The following VPS50 variants were observed in gnomAD, a reference collection of about 807,000 sequenced individuals.
VPS50 encodes syndetin.
Under a neutral mutation model 139.7 loss-of-function variants are expected in VPS50, and 70 were observed. The ratio of observed to expected loss-of-function variants is 0.50; its 90% confidence interval spans 0.41 to 0.61. The LOEUF (loss-of-function observed/expected upper bound fraction) is 0.61. Among genes scored for constraint, VPS50 ranks in the 20% least tolerant of loss-of-function variants. The pLI is 0.00. For synonymous variants in VPS50, 365 were observed against 376.7 expected (o/e 0.97, Z 0.36); for missense variants, 921 against 1,133.7 (o/e 0.81, Z 2.69).
chr7:93,258,560 A>G (rs932235014), intron 8 of VPS50, among the ~76,000 whole-genome samples, 168 bp downstream of exon 8: 1 of 152,036 alleles, frequency 6.6e-6, no homozygotes, highest in Non-Finnish European at 1.5e-5. Flanking sequence ...GCCTTTTTCT[A>G]TTGACATGAT....
intron 6 of VPS50, 135 bp from the exon 7 acceptor site, chr7:93,258,024 T>C (rs1475115830): frequency 3.5e-6 from 2 of 579,086 alleles, no homozygotes; most frequent in Admixed American, 3.2e-5. Context: ...TGAGTACATT[T>C]GTCAAATAGT....
chr7:93,332,128 A>G (rs1297830276), intron 21 of VPS50, among the ~76,000 whole-genome samples: 1 of 152,162 alleles, frequency 6.6e-6, no homozygotes, highest in Non-Finnish European at 1.5e-5. Flanking sequence ...AATAGCATAG[A>G]CTCGGCTGCT....
chr7:93,265,027 A>T (rs1237426971), intron 9 of VPS50, among the ~76,000 whole-genome samples: 1 of 152,176 alleles, frequency 6.6e-6, no homozygotes, highest in East Asian at 1.9e-4. Context: ...CACATGACAA[A>T]AATCCTAATA....
At chr7:93,318,838 C>T (rs1461668907) in intron 20 of VPS50, among the ~76,000 whole-genome samples, 2 of 152,110 alleles carry the variant, frequency 1.3e-5, no homozygotes, top group African/African-American at 4.8e-5. Context: ...TACAAACAAA[C>T]AACATCGGTT....
chr7:93,358,572 A>G lies in VPS50; in HGVS notation c.*136A>G. 1 of 706,276 alleles carries G rather than the reference A, an allele frequency of 1.4e-6. No individual in the cohort carries two copies. Among genetic ancestry groups the G allele is most frequent in the Non-Finnish European group, 2.4e-6 (1 of 412,772 alleles). 43.8% of individuals were successfully genotyped at this position (706,276 alleles called of 1,614,324 possible). ...ATGTTTTTTTGACTGGAAAGTGGAA[A>G]ATATTGAAATGTGTGTGGTGTTCTC... On this transcript the variant is annotated 3_prime_UTR_variant, in exon 28 of 28. Transcript: ENST00000305866.
At chr7:93,278,831 A>G (rs1246493182) in intron 12 of VPS50, among the ~76,000 whole-genome samples, 1 of 151,950 alleles carries the variant, frequency 6.6e-6, no homozygotes, top group Non-Finnish European at 1.5e-5. Context: ...GTATATGTAT[A>G]TCTATAAGGA....
At chr7:93,298,353 C>G (rs1796872918) in intron 16 of VPS50, among the ~76,000 whole-genome samples, 1 of 152,112 alleles carries the variant, frequency 6.6e-6, no homozygotes, top group Admixed American at 6.6e-5. Context: ...AACTTAAGCC[C>G]TGACTAAAAC....
chr7:93,309,022 G>A, intron 19 of VPS50, 80 bp downstream of exon 19: 2 of 654,040 alleles, frequency 3.1e-6, no homozygotes, highest in Admixed American at 2.7e-5. Flanking sequence ...AGGTTAAGAA[G>A]AAACAAAAAT....
intron 23 of VPS50, among the ~76,000 whole-genome samples, chr7:93,344,553 T>C (rs1448447987): frequency 4.6e-5 from 7 of 152,132 alleles, no homozygotes; most frequent in Admixed American, 6.5e-5. Flanking sequence ...ACACCACACC[T>C]ATTCCAAAAT....
intron 2 of VPS50, among the ~76,000 whole-genome samples, chr7:93,244,388 C>G (rs1342484741): frequency 1.3e-5 from 2 of 151,788 alleles, no homozygotes; most frequent in African/African-American, 4.8e-5. Context: ...ACAGTTTTAC[C>G]AAAATTTGTG....
chr7:93,287,039 T>C (rs1361605740), intron 12 of VPS50, among the ~76,000 whole-genome samples: 1 of 151,888 alleles, frequency 6.6e-6, no homozygotes, highest in African/African-American at 2.4e-5. Context: ...CTTGCCTTTT[T>C]TCCTTAAACT....
intron 21 of VPS50, among the ~76,000 whole-genome samples, chr7:93,329,836 T>G (rs1403287248): frequency 6.6e-6 from 1 of 152,102 alleles, no homozygotes; most frequent in East Asian, 1.9e-4. Context: ...TTAAGATACT[T>G]TTAGATAAAA....
intron 21 of VPS50, among the ~76,000 whole-genome samples, chr7:93,329,556 A>G (rs544905908): frequency 1.3e-5 from 2 of 152,132 alleles, no homozygotes; most frequent in South Asian, 4.1e-4. Flanking sequence ...ACTGGCCAAA[A>G]TTTTGCAGAC....
At chr7:93,274,195 A>G (rs2116888967) in intron 11 of VPS50, among the ~76,000 whole-genome samples, 1 of 152,252 alleles carries the variant, frequency 6.6e-6, no homozygotes, top group East Asian at 1.9e-4. Context: ...GATTAAGCTT[A>G]GTGAAGATGG....
At chr7:93,352,228 A>G (rs2117089095) in intron 25 of VPS50, among the ~76,000 whole-genome samples, 1 of 152,316 alleles carries the variant, frequency 6.6e-6, no homozygotes, top group South Asian at 2.1e-4. Context: ...TTGAAATCCA[A>G]AGCAGTTTAA....
Position 93,346,220 on chromosome 7 carries a change from C to T in VPS50, c.2208-2491C>T, listed in dbSNP as rs548834148. 4.3e-3 allele frequency among the ~76,000 whole-genome samples: 650 copies of T among 152,310 alleles called. 8 individuals are homozygous for T. Among genetic ancestry groups the T allele is most frequent in the Non-Finnish European group, 5.9e-3 (400 of 68,032 alleles). On this transcript the variant is annotated intron_variant, in intron 23 of 27. Transcript: ENST00000305866. Reference sequence around the variant, plus strand: ...GCCAAATCATGAGTGAACTCCCATTCACAATTGCTTCAAAGAGAATAAAAT... The same window carrying T: ...GCCAAATCATGAGTGAACTCCCATTTACAATTGCTTCAAAGAGAATAAAAT...
chr7:93,336,032 T>C (rs1466797062), intron 22 of VPS50, among the ~76,000 whole-genome samples: 2 of 152,216 alleles, frequency 1.3e-5, no homozygotes, highest in Non-Finnish European at 2.9e-5. Context: ...TATGTATTAA[T>C]TTTCTTCACT....
chr7:93,359,344 G>A lies in VPS50; in HGVS notation c.*908G>A, dbSNP rs772405791. On this transcript the variant is annotated 3_prime_UTR_variant, in exon 28 of 28. Transcript: ENST00000305866. ...GTCTGCTAGTCACTCATAAATGTAC[G>A]GTCATATGTTCACTCTTCTTAAATA... 1.3e-5 allele frequency: 2 copies of A among 151,882 alleles called. No individual in the cohort carries two copies. The highest frequency in any genetic ancestry group is 2.9e-5 in the Non-Finnish European group (2 of 67,978). 9.4% of individuals were successfully genotyped at this position (151,882 alleles called of 1,614,324 possible).
chr7:93,323,532 T>C lies in VPS50; in HGVS notation c.1856-79T>C, dbSNP rs114438462. On this transcript the variant is annotated intron_variant, in intron 20 of 27. Transcript: ENST00000305866. ...ATATTTAAATATTTTAGTATAATAA[T>C]TTTATTTTCTTTTTATAATTATAGA... 3.3e-5 allele frequency: 15 copies of C among 455,684 alleles called. 1 individual carries two copies. In the East Asian group the frequency reaches 6.4e-4, roughly 20 times the overall value. 28.2% of individuals were successfully genotyped at this position (455,684 alleles called of 1,614,324 possible).
Sources: gnomAD v4.1 joint callset for allele counts (sites outside exome capture counted in the v4.1 genomes callset) on GRCh38, gnomAD v4.1.1 for gene constraint, MANE v1.5 for transcripts, NCBI Gene and HGNC (gene_info 2026-07-23, HGNC 2026-07-21) for gene names.